The following CACNA2D1 variants were observed in gnomAD, a reference collection of about 807,000 sequenced individuals.
The protein encoded by CACNA2D1 is calcium voltage-gated channel auxiliary subunit alpha2delta 1.
In CACNA2D1, 53 loss-of-function variants were observed where a neutral mutation model predicts 171.5. The ratio of observed to expected loss-of-function variants is 0.31; its 90% CI spans 0.25 to 0.39. The LOEUF (loss-of-function observed/expected upper bound fraction) is 0.39, where lower values mean the gene tolerates loss of function less well. CACNA2D1 is among the 10% of genes least tolerant of loss of function. CACNA2D1 has a pLI of 1.00. For synonymous variants in CACNA2D1, 442 were observed against 443.1 expected (o/e 1.00, Z 0.03); for missense variants, 903 against 1,299.8 (o/e 0.69, Z 4.69).
At chr7:82,160,834 T>A (rs750293638) in intron 4 of CACNA2D1, among the ~76,000 whole-genome samples, 1 of 152,236 alleles carries the variant, frequency 6.6e-6, no homozygotes, top group East Asian at 1.9e-4. Flanking sequence ...CATTCTCTTC[T>A]ATTTAACTGA....
intron 3 of CACNA2D1, among the ~76,000 whole-genome samples, chr7:82,217,349 T>TAAA (rs139578464): frequency 8.2e-6 from 1 of 122,654 alleles, no homozygotes; most frequent in East Asian, 2.1e-4. Context: ...CCTGCCTTTT[T>TAAA]AAAAAAAAAA....
At position 82,412,338 on chromosome 7, in the gene CACNA2D1, A is replaced by G. The variant is rs115157645; in HGVS notation, c.95+31027T>C. Among the ~76,000 whole-genome samples the G allele has an allele frequency of 6.8e-3, 987 of 145,936 alleles. 13 individuals carry two copies. Among genetic ancestry groups the G allele is most frequent in the African/African-American group, 0.024 (930 of 39,044 alleles). ...TGCTTTGTCACCCAGGCTGGAGTGCAAAGACACAACCTCAGCTCACTGCAA... is the reference window on the plus strand; with the variant it reads ...TGCTTTGTCACCCAGGCTGGAGTGCGAAGACACAACCTCAGCTCACTGCAA... On this transcript the variant is annotated intron_variant, in intron 1 of 38. Transcript: ENST00000356860.
At chr7:82,324,286 A>C (rs1207200512) in intron 3 of CACNA2D1, among the ~76,000 whole-genome samples, 16 of 149,308 alleles carry the variant, frequency 1.1e-4, no homozygotes, top group Admixed American at 6.1e-4. Flanking sequence ...TGAACCCGGG[A>C]GGTGGAGTTT....
intron 16 of CACNA2D1, 42 bp downstream of exon 16, chr7:82,007,637 T>C (rs1421074144): frequency 2.0e-6 from 2 of 1,017,202 alleles, no homozygotes; most frequent in Admixed American, 3.6e-5. Context: ...AACGTCACAG[T>C]TTGTCATTTA....
At chr7:82,383,776 C>T (rs987772643) in intron 1 of CACNA2D1, among the ~76,000 whole-genome samples, 3 of 152,086 alleles carry the variant, frequency 2.0e-5, no homozygotes, top group African/African-American at 7.2e-5. Flanking sequence ...TATTTGATAC[C>T]AATGTTTATT....
intron 1 of CACNA2D1, among the ~76,000 whole-genome samples, chr7:82,385,831 A>T (rs1261069001): frequency 2.0e-5 from 3 of 151,718 alleles, no homozygotes; most frequent in Non-Finnish European, 4.4e-5. Context: ...TGCCCAACTA[A>T]TTTTTGTATT....
intron 3 of CACNA2D1, among the ~76,000 whole-genome samples, chr7:82,222,365 C>G (rs1350260555): frequency 2.0e-5 from 3 of 152,338 alleles, no homozygotes; most frequent in East Asian, 1.9e-4. Flanking sequence ...AGCCATATTA[C>G]ATACTTACCT....
chr7:82,331,138 A>T (rs1291911914), intron 3 of CACNA2D1, among the ~76,000 whole-genome samples: 2 of 152,166 alleles, frequency 1.3e-5, no homozygotes, highest in Non-Finnish European at 2.9e-5. Context: ...TCAAAGTCCC[A>T]GTTTCTTCAT....
intron 10 of CACNA2D1, among the ~76,000 whole-genome samples, chr7:82,048,554 C>T (rs1217436286): frequency 6.6e-6 from 1 of 151,900 alleles, no homozygotes. Flanking sequence ...TCTCAAAATG[C>T]TTTTTTTATT....
intron 2 of CACNA2D1, among the ~76,000 whole-genome samples, chr7:82,349,328 C>G (rs1053355806): frequency 4.6e-5 from 7 of 152,130 alleles, no homozygotes; most frequent in Admixed American, 4.6e-4. Flanking sequence ...CGCAGACTCA[C>G]TTAAGTGAGA....
At chr7:81,963,584 G>A (rs778613870) in intron 34 of CACNA2D1, among the ~76,000 whole-genome samples, 63 of 151,906 alleles carry the variant, frequency 4.1e-4, no homozygotes, top group Non-Finnish European at 6.8e-4. Flanking sequence ...GATCCATGTC[G>A]GCAACCTGAT....
chr7:82,052,476 A>G (rs996956938), intron 10 of CACNA2D1, among the ~76,000 whole-genome samples: 2 of 152,218 alleles, frequency 1.3e-5, no homozygotes, highest in Non-Finnish European at 2.9e-5. Flanking sequence ...CCTATATGTT[A>G]AAGATAAAAA....
chr7:82,063,805 T>C (rs573042910), intron 9 of CACNA2D1, among the ~76,000 whole-genome samples: 4 of 152,136 alleles, frequency 2.6e-5, no homozygotes, highest in East Asian at 1.9e-4. Context: ...GAGACCAACA[T>C]AAAAACTCAA....
At chr7:82,060,367 A>C (rs1446248531) in intron 10 of CACNA2D1, 61 bp downstream of exon 10, 5 of 1,080,212 alleles carry the variant, frequency 4.6e-6, no homozygotes, top group Non-Finnish European at 5.7e-6. Flanking sequence ...AAGTACCTAA[A>C]GTCAGGAGAA....
intron 4 of CACNA2D1, among the ~76,000 whole-genome samples, chr7:82,168,824 T>C (rs1412025481): frequency 1.3e-5 from 2 of 152,098 alleles, no homozygotes; most frequent in African/African-American, 2.4e-5. Flanking sequence ...CTTAAAATAC[T>C]ACCAAATGAA....
chr7:82,043,875 T>G (rs1225213969), intron 10 of CACNA2D1, among the ~76,000 whole-genome samples: 1 of 152,184 alleles, frequency 6.6e-6, no homozygotes, highest in East Asian at 1.9e-4. Context: ...GAACACATCT[T>G]CTTGGAGTAC....
At chr7:82,367,361 T>TC (rs1821855842) in intron 1 of CACNA2D1, among the ~76,000 whole-genome samples, 1 of 152,112 alleles carries the variant, frequency 6.6e-6, no homozygotes, top group African/African-American at 2.4e-5. Context: ...TGCTCTTTTT[T>TC]CTACCTACCA....
Position 82,317,006 on chromosome 7 carries a change from C to A in CACNA2D1, c.294+18129G>T, listed in dbSNP as rs545981670. 1.4e-4 allele frequency among the ~76,000 whole-genome samples: 21 copies of A among 152,246 alleles called. 1 individual carries two copies. The South Asian group carries it at 4.4e-3, about 32-fold the overall frequency. Reference sequence around the variant, plus strand: ...CTGATTCAGTAATACACTCTTAACACTAGAAAGTAAATCAGAAAAGGCTGT... The same window carrying A: ...CTGATTCAGTAATACACTCTTAACAATAGAAAGTAAATCAGAAAAGGCTGT... On this transcript the variant is annotated intron_variant, in intron 3 of 38. Transcript: ENST00000356860.
intron 15 of CACNA2D1, among the ~76,000 whole-genome samples, chr7:82,008,906 A>G (rs1799429386): frequency 6.6e-6 from 1 of 152,150 alleles, no homozygotes. Flanking sequence ...ATAATAGAGA[A>G]GCTTCCAGAA....
Sources: allele counts gnomAD v4.1 joint callset (sites outside exome capture counted in the v4.1 genomes callset), GRCh38; gene constraint gnomAD v4.1.1; transcripts MANE v1.5; gene names NCBI Gene and HGNC (gene_info 2026-07-23, HGNC 2026-07-21).